The following DCC variants were observed in gnomAD, a reference collection of about 807,000 sequenced individuals.
The protein encoded by DCC is DCC netrin 1 receptor, also known as netrin receptor DCC.
DCC carries 58 observed loss-of-function variants against 172.5 expected under a neutral mutation model. That is an observed-to-expected ratio of 0.34 (90% CI 0.27 to 0.42). The LOEUF (loss-of-function observed/expected upper bound fraction) is 0.42, where lower values mean the gene tolerates loss of function less well. DCC is among the 10% of genes least tolerant of loss of function. DCC has a pLI of 1.00. For synonymous variants in DCC, 709 were observed against 644.5 expected (o/e 1.10, Z -1.52); for missense variants, 1,740 against 1,791.0 (o/e 0.97, Z 0.51).
chr18:53,363,740 T>G (rs1344647625), intron 15 of DCC, among the ~76,000 whole-genome samples: 3 of 152,184 alleles, frequency 2.0e-5, no homozygotes, highest in African/African-American at 7.2e-5. Context: ...GTTTTAGGTT[T>G]TTCAAATATA....
At chr18:52,469,580 A>G (rs1988888297) in intron 1 of DCC, among the ~76,000 whole-genome samples, 1 of 152,202 alleles carries the variant, frequency 6.6e-6, no homozygotes, top group Non-Finnish European at 1.5e-5. Context: ...AACATTGATA[A>G]TCACAGAAAT....
At position 52,978,922 on chromosome 18, in the gene DCC, A is replaced by G. The variant is rs558497251; in HGVS notation, c.985+53552A>G. ...CTTTTTTATGGCTGAGTAGTATTCT[A>G]TGGTGTATATGTACCACATTTTTAA... On this transcript the variant is annotated intron_variant, in intron 5 of 28. Transcript: ENST00000442544. Among the ~76,000 whole-genome samples the G allele has an allele frequency of 4.6e-5, 7 of 152,246 alleles. No individual in the cohort carries two copies. In the East Asian group the frequency reaches 9.6e-4, roughly 21 times the overall value.
chr18:52,912,614 G>C (rs1401380499), intron 3 of DCC, among the ~76,000 whole-genome samples: 1 of 151,922 alleles, frequency 6.6e-6, no homozygotes, highest in Admixed American at 6.6e-5. Context: ...TTCCTTTGCT[G>C]TATGATATGG....
At chr18:52,941,178 C>T (rs533392313) in intron 5 of DCC, 1 of 151,568 alleles carries the variant, frequency 6.6e-6, no homozygotes, top group Admixed American at 6.6e-5. Flanking sequence ...ACTTTTAGGA[C>T]AAAGAAAAAA....
At chr18:52,714,236 G>C (rs936722939) in intron 1 of DCC, among the ~76,000 whole-genome samples, 5 of 151,578 alleles carry the variant, frequency 3.3e-5, no homozygotes, top group Admixed American at 6.6e-5. Context: ...TGCATTAAAA[G>C]CCTCTCAGAG....
At chr18:53,177,911 A>T (rs994625164) in intron 8 of DCC, among the ~76,000 whole-genome samples, 13 of 152,184 alleles carry the variant, frequency 8.5e-5, no homozygotes, top group Non-Finnish European at 1.5e-5. Context: ...TGCACTTAGA[A>T]CTTTTACTTT....
At chr18:52,992,458 A>G (rs927206837) in intron 5 of DCC, among the ~76,000 whole-genome samples, 4 of 152,170 alleles carry the variant, frequency 2.6e-5, no homozygotes, top group Admixed American at 6.5e-5. Context: ...GGATATTTGT[A>G]TAAGTGACCT....
chr18:52,677,704 G>C lies in DCC; in HGVS notation c.92-74350G>C, dbSNP rs938501899. ...GATTTTCCTTTTTTTCCTGTTTCTT[G>C]CATTTGCTTTCTGACAAAATAGAGA... On this transcript the variant is annotated intron_variant, in intron 1 of 28. Coordinates refer to ENST00000442544, the MANE Select transcript of DCC (RefSeq NM_005215.4). 1.1e-4 allele frequency among the ~76,000 whole-genome samples: 17 copies of C among 152,002 alleles called. No homozygotes were observed. The South Asian group carries it at 1.5e-3, about 13-fold the overall frequency.
At chr18:52,603,560 C>T (rs564626637) in intron 1 of DCC, among the ~76,000 whole-genome samples, 7 of 147,878 alleles carry the variant, frequency 4.7e-5, no homozygotes, top group East Asian at 2.0e-4. Flanking sequence ...AAAAAATAAA[C>T]GTATTTAGAA....
At chr18:53,295,292 A>T (rs1355792603) in intron 12 of DCC, among the ~76,000 whole-genome samples, 1 of 152,122 alleles carries the variant, frequency 6.6e-6, no homozygotes, top group East Asian at 1.9e-4. Flanking sequence ...AAATATGTCA[A>T]ATCAACAAAA....
At chr18:52,945,817 T>G (rs1252084434) in intron 5 of DCC, among the ~76,000 whole-genome samples, 1 of 152,184 alleles carries the variant, frequency 6.6e-6, no homozygotes, top group African/African-American at 2.4e-5. Flanking sequence ...GCCTACAGGC[T>G]TTGTTTGTTT....
chr18:52,480,275 G>T (rs2029903687), intron 1 of DCC, among the ~76,000 whole-genome samples: 1 of 151,986 alleles, frequency 6.6e-6, no homozygotes, highest in Middle Eastern at 3.2e-3. Flanking sequence ...TACATACCTT[G>T]GTTATCTACT....
At chr18:52,844,984 T>C (rs1334466140) in intron 2 of DCC, among the ~76,000 whole-genome samples, 3 of 152,220 alleles carry the variant, frequency 2.0e-5, no homozygotes, top group Non-Finnish European at 4.4e-5. Context: ...CCATTAAAGA[T>C]AGGCAGTTTT....
At chr18:52,929,473 G>A (rs897635448) in intron 5 of DCC, among the ~76,000 whole-genome samples, 5 of 152,064 alleles carry the variant, frequency 3.3e-5, no homozygotes, top group Admixed American at 6.6e-5. Flanking sequence ...ATACGTGACC[G>A]TAATGTAATG....
At chr18:52,700,143 GCC>G (rs1400925497) in intron 1 of DCC, among the ~76,000 whole-genome samples, 1 of 151,106 alleles carries the variant, frequency 6.6e-6, no homozygotes, top group Non-Finnish European at 1.5e-5. Flanking sequence ...TCGCTCTCTT[GCC>G]CCACACACAC....
intron 3 of DCC, among the ~76,000 whole-genome samples, chr18:52,907,851 GT>G (rs2039913136): frequency 6.6e-6 from 1 of 152,160 alleles, no homozygotes; most frequent in South Asian, 2.1e-4. Context: ...ATGCACACAT[GT>G]AAGTAATTAC....
At chr18:52,923,631 GA>G (rs548026342) in intron 3 of DCC, 75 bp from the exon 4 acceptor site, 94 of 1,207,854 alleles carry the variant, frequency 7.8e-5, no homozygotes, top group Admixed American at 1.9e-4. Context: ...CTTTTGTTAG[GA>G]AAAAAATCAA....
At chr18:53,488,660 T>G (rs1414994622) in intron 26 of DCC, among the ~76,000 whole-genome samples, 1 of 152,142 alleles carries the variant, frequency 6.6e-6, no homozygotes, top group Non-Finnish European at 1.5e-5. Context: ...ATTCCAAAAG[T>G]TAAAGCTCAA....
At chr18:53,444,079 G>A (rs558350909) in intron 22 of DCC, among the ~76,000 whole-genome samples, 20 of 152,308 alleles carry the variant, frequency 1.3e-4, no homozygotes, top group East Asian at 5.8e-4. Context: ...GTAATATTAC[G>A]TAAACTTAGT....
Sources: allele counts gnomAD v4.1 joint callset (sites outside exome capture counted in the v4.1 genomes callset), GRCh38; gene constraint gnomAD v4.1.1; transcripts MANE v1.5; gene names NCBI Gene and HGNC (gene_info 2026-07-23, HGNC 2026-07-21).